The following DCC variants were observed in gnomAD, a reference collection of about 807,000 sequenced individuals.
DCC encodes DCC netrin 1 receptor, also known as netrin receptor DCC.
DCC carries 58 observed loss-of-function variants against 172.5 expected under a neutral mutation model. That is an observed-to-expected ratio of 0.34 (90% CI 0.27 to 0.42). The LOEUF is 0.42. Ranked by LOEUF, DCC falls within the 10% of genes least tolerant of loss-of-function variation. DCC has a pLI of 1.00. For missense variants in DCC, 1,740 were observed against 1,791.0 expected (o/e 0.97, Z 0.51); for synonymous variants, 709 against 644.5 (o/e 1.10, Z -1.52).
At chr18:52,519,815 A>C (rs2031753785) in intron 1 of DCC, among the ~76,000 whole-genome samples, 1 of 152,190 alleles carries the variant, frequency 6.6e-6, no homozygotes, top group Admixed American at 6.5e-5. Flanking sequence ...CAGTTGTGTG[A>C]AAATTGCTTG....
chr18:53,231,205 CT>C (rs1055425317), intron 12 of DCC, among the ~76,000 whole-genome samples: 1 of 151,970 alleles, frequency 6.6e-6, no homozygotes, highest in Non-Finnish European at 1.5e-5. Context: ...GGAAGTGATG[CT>C]TTTTAGCCAA....
At chr18:53,063,561 AT>A (rs1273166413) in intron 6 of DCC, 102 bp downstream of exon 6, 1 of 926,282 alleles carries the variant, frequency 1.1e-6, no homozygotes, top group East Asian at 2.6e-5. Context: ...CCTGTTGGAG[AT>A]TTTTTGTGAT....
At chr18:53,429,462 AATT>A (rs1479122077) in intron 21 of DCC, among the ~76,000 whole-genome samples, 4 of 151,866 alleles carry the variant, frequency 2.6e-5, no homozygotes, top group Non-Finnish European at 5.9e-5. Flanking sequence ...TCGTGTGTGA[AATT>A]ATTATCTTAG....
intron 24 of DCC, among the ~76,000 whole-genome samples, chr18:53,467,008 A>G (rs1265265818): frequency 6.6e-6 from 1 of 152,166 alleles, no homozygotes; most frequent in African/African-American, 2.4e-5. Flanking sequence ...ATGATAAAAA[A>G]TAAAAAGAAT....
intron 12 of DCC, among the ~76,000 whole-genome samples, chr18:53,267,681 G>A (rs983890158): frequency 6.6e-6 from 1 of 152,004 alleles, no homozygotes; most frequent in South Asian, 2.1e-4. Context: ...GCCCAGGCTA[G>A]CCTCGAACTT....
intron 7 of DCC, among the ~76,000 whole-genome samples, chr18:53,090,695 C>T (rs190618203): frequency 0.016 from 202 of 12,520 alleles, 5 homozygotes; most frequent in East Asian, 0.1. Context: ...CTCCGTCCCC[C>T]AACAAAAAAA....
intron 15 of DCC, among the ~76,000 whole-genome samples, chr18:53,342,966 T>C (rs1037894310): frequency 1.3e-5 from 2 of 150,668 alleles, no homozygotes; most frequent in South Asian, 2.1e-4. Context: ...AATGTATATA[T>C]AGATGTATTG....
intron 1 of DCC, among the ~76,000 whole-genome samples, chr18:52,550,724 G>T (rs2032746593): frequency 6.6e-6 from 1 of 152,090 alleles, no homozygotes; most frequent in Non-Finnish European, 1.5e-5. Context: ...CACCAAAGCT[G>T]ACTGTGGTAC....
At chr18:52,512,012 C>A (rs1454446434) in intron 1 of DCC, among the ~76,000 whole-genome samples, 1 of 152,070 alleles carries the variant, frequency 6.6e-6, no homozygotes, top group Non-Finnish European at 1.5e-5. Flanking sequence ...ATAAATAACA[C>A]AAAGACAGCT....
At chr18:53,377,588 C>G (rs1011698378) in intron 15 of DCC, among the ~76,000 whole-genome samples, 1 of 152,128 alleles carries the variant, frequency 6.6e-6, no homozygotes, top group African/African-American at 2.4e-5. Context: ...TTCAAACAAA[C>G]CATAGCAATC....
chr18:53,530,063 G>T (rs1294454241), intron 28 of DCC, among the ~76,000 whole-genome samples: 1 of 152,126 alleles, frequency 6.6e-6, no homozygotes, highest in Admixed American at 6.5e-5. Flanking sequence ...TCTATGTCAT[G>T]ATACAGAGAA....
At chr18:52,976,175 C>A (rs903931868) in intron 5 of DCC, among the ~76,000 whole-genome samples, 1 of 151,056 alleles carries the variant, frequency 6.6e-6, no homozygotes, top group Non-Finnish European at 1.5e-5. Flanking sequence ...TGTTCATGTC[C>A]TTTGCTCACA....
At chr18:52,623,223 A>G (rs1241737445) in intron 1 of DCC, among the ~76,000 whole-genome samples, 1 of 152,230 alleles carries the variant, frequency 6.6e-6, no homozygotes, top group African/African-American at 2.4e-5. Flanking sequence ...AAGAAATACT[A>G]CAGGACAGTT....
At chr18:53,021,159 G>A (rs7504773) in intron 5 of DCC, among the ~76,000 whole-genome samples, 105,238 of 152,014 alleles carry the variant, frequency 0.69, 36,536 homozygotes, top group East Asian at 0.75. Context: ...TCACACACAC[G>A]GCAGGGTATG....
chr18:52,431,287 GA>G (rs796212759), intron 1 of DCC, among the ~76,000 whole-genome samples: 83 of 150,650 alleles, frequency 5.5e-4, no homozygotes, highest in African/African-American at 1.7e-3. Context: ...AAAGATTGAT[GA>G]AAAAAAATAA....
intron 10 of DCC, among the ~76,000 whole-genome samples, chr18:53,206,217 G>GTA (rs1039651629): frequency 6.6e-5 from 1 of 15,124 alleles, no homozygotes. Context: ...ATATACATGT[G>GTA]TATATATACA....
chr18:53,396,303 CA>C (rs1409629783), intron 17 of DCC, among the ~76,000 whole-genome samples: 1 of 152,110 alleles, frequency 6.6e-6, no homozygotes, highest in Non-Finnish European at 1.5e-5. Flanking sequence ...GGAATAGTCC[CA>C]TTTTTTTTGC....
intron 5 of DCC, among the ~76,000 whole-genome samples, chr18:52,980,152 C>A (rs2041185830): frequency 6.6e-6 from 1 of 152,248 alleles, no homozygotes; most frequent in Admixed American, 6.5e-5. Context: ...GATATGCATT[C>A]TTTATTAGGG....
intron 25 of DCC, among the ~76,000 whole-genome samples, chr18:53,483,881 A>G (rs576026146): frequency 5.1e-4 from 78 of 151,902 alleles, no homozygotes; most frequent in African/African-American, 1.8e-3. Flanking sequence ...CCATGTATGA[A>G]TGTTGCTTAT....
Sources: allele counts gnomAD v4.1 joint callset (sites outside exome capture counted in the v4.1 genomes callset), GRCh38; gene constraint gnomAD v4.1.1; transcripts MANE v1.5; gene names NCBI Gene and HGNC (gene_info 2026-07-23, HGNC 2026-07-21).